PDE1C: variants seen among roughly 807,000 people sequenced by gnomAD.
PDE1C encodes phosphodiesterase 1C.
PDE1C carries 62 observed loss-of-function variants against 93.1 expected under a neutral mutation model. The ratio of observed to expected loss-of-function variants is 0.67; its 90% CI spans 0.54 to 0.82. The LOEUF is 0.82. Ranked by LOEUF, PDE1C falls within the 40% of genes least tolerant of loss-of-function variation. The pLI is 0.00. For missense variants in PDE1C, 742 were observed against 884.6 expected (o/e 0.84, Z 2.04); for synonymous variants, 325 against 310.1 (o/e 1.05, Z -0.50).
intron 14 of PDE1C, among the ~76,000 whole-genome samples, chr7:31,821,413 A>T (rs1434383418): frequency 6.6e-6 from 1 of 152,176 alleles, no homozygotes; most frequent in Non-Finnish European, 1.5e-5. Flanking sequence ...AGATAATTGC[A>T]AACAAATTAT....
chr7:31,730,123 G>A, the PDE1C span, among the ~76,000 whole-genome samples: 2 of 152,056 alleles, frequency 1.3e-5, no homozygotes, highest in South Asian at 2.1e-4. Context: ...TCCCCTAGAC[G>A]TTAATTCAGT....
intron 5 of PDE1C, 151 bp downstream of exon 5, chr7:31,877,819 G>A (rs1179996288): frequency 3.4e-6 from 2 of 595,682 alleles, no homozygotes; most frequent in Non-Finnish European, 5.8e-6. Flanking sequence ...CAGTGATACT[G>A]TTAGAACAAA....
intron 1 of PDE1C, among the ~76,000 whole-genome samples, chr7:32,297,981 CT>C (rs1271743668): frequency 2.8e-5 from 2 of 70,520 alleles, no homozygotes; most frequent in Admixed American, 1.2e-4. Flanking sequence ...CTCTCTCTCT[CT>C]CTCTCTCTCT....
chr7:32,083,844 A>G (rs373058375), intron 3 of PDE1C, among the ~76,000 whole-genome samples: 8 of 152,290 alleles, frequency 5.3e-5, no homozygotes, highest in South Asian at 2.1e-4. Context: ...AAGAGCTCCT[A>G]AAGGAAGCAC....
At chr7:32,257,876 T>A (rs1430431952) in intron 1 of PDE1C, among the ~76,000 whole-genome samples, 1 of 152,228 alleles carries the variant, frequency 6.6e-6, no homozygotes, top group African/African-American at 2.4e-5. Context: ...TCATTACTCC[T>A]GACAATGTGT....
At chr7:31,971,445 A>G (rs1187574244) in intron 2 of PDE1C, among the ~76,000 whole-genome samples, 2 of 152,138 alleles carry the variant, frequency 1.3e-5, no homozygotes, top group Non-Finnish European at 2.9e-5. Context: ...TTCCTCATCA[A>G]TCAAATGATG....
chr7:31,643,410 G>A, the PDE1C span: 6 of 1,613,874 alleles, frequency 3.7e-6, no homozygotes, highest in Admixed American at 8.3e-5. Flanking sequence ...TGAAGTCAAG[G>A]TCTGGTACTT....
chr7:31,962,616 A>T (rs1469134800), intron 2 of PDE1C, among the ~76,000 whole-genome samples: 1 of 152,236 alleles, frequency 6.6e-6, no homozygotes, highest in African/African-American at 2.4e-5. Context: ...AGAAGGCTTC[A>T]GCAGGAGAAA....
At chr7:32,315,731 C>G (rs544510631) in intron 1 of PDE1C, among the ~76,000 whole-genome samples, 2 of 152,216 alleles carry the variant, frequency 1.3e-5, no homozygotes, top group Non-Finnish European at 2.9e-5. Context: ...CGTGGTGGCT[C>G]ACGCCTGTAA....
At chr7:32,095,125 A>G (rs750550358) in intron 3 of PDE1C, among the ~76,000 whole-genome samples, 1 of 152,222 alleles carries the variant, frequency 6.6e-6, no homozygotes, top group Non-Finnish European at 1.5e-5. Context: ...GTCCTCTAGA[A>G]TATATAGGAA....
intron 1 of PDE1C, among the ~76,000 whole-genome samples, chr7:32,229,660 T>G (rs1807548038): frequency 6.6e-6 from 1 of 152,222 alleles, no homozygotes; most frequent in Non-Finnish European, 1.5e-5. Context: ...GTTGGCAATC[T>G]GTAATCTACC....
At chr7:31,694,330 C>A in the PDE1C span, among the ~76,000 whole-genome samples, 1 of 150,478 alleles carries the variant, frequency 6.6e-6, no homozygotes, top group South Asian at 2.1e-4. Context: ...TGAAGTATAT[C>A]AACTGTATCA....
intron 2 of PDE1C, among the ~76,000 whole-genome samples, chr7:32,025,898 G>A (rs1694963746): frequency 6.6e-6 from 1 of 152,164 alleles, no homozygotes; most frequent in African/African-American, 2.4e-5. Context: ...GCCTTTTCAG[G>A]CCAACCACGT....
chr7:32,059,243 G>A (rs1794502566), intron 1 of PDE1C, among the ~76,000 whole-genome samples: 2 of 152,202 alleles, frequency 1.3e-5, no homozygotes. Flanking sequence ...GGTGGGGATG[G>A]TGACCCTAAA....
chr7:31,780,803 T>TTGTGTG (rs55970947), intron 16 of PDE1C, among the ~76,000 whole-genome samples: 53 of 149,726 alleles, frequency 3.5e-4, no homozygotes, highest in African/African-American at 1.2e-3. Context: ...ACGTGTGCAT[T>TTGTGTG]TGTGTGTGTG....
intron 5 of PDE1C, among the ~76,000 whole-genome samples, chr7:31,877,196 A>G (rs1243934742): frequency 6.6e-6 from 1 of 152,196 alleles, no homozygotes; most frequent in Non-Finnish European, 1.5e-5. Flanking sequence ...TCAGCAACAC[A>G]TTGGAATCCA....
chr7:32,165,517 A>G (rs1802189720), intron 3 of PDE1C, among the ~76,000 whole-genome samples: 1 of 152,234 alleles, frequency 6.6e-6, no homozygotes, highest in East Asian at 1.9e-4. Flanking sequence ...ACCATGGCAG[A>G]AGGTGAAGAG....
the PDE1C span, among the ~76,000 whole-genome samples, chr7:31,726,438 A>C: frequency 1.3e-5 from 2 of 152,212 alleles, no homozygotes; most frequent in African/African-American, 4.8e-5. Flanking sequence ...GAAAGAAAAC[A>C]GCAGCCTCTT....
intron 2 of PDE1C, among the ~76,000 whole-genome samples, chr7:31,908,839 G>C (rs1800898627): frequency 6.6e-6 from 1 of 152,138 alleles, no homozygotes; most frequent in Admixed American, 6.6e-5. Context: ...TGACGTGAAG[G>C]TATTTTGTAA....
Sources: allele counts gnomAD v4.1 joint callset (sites outside exome capture counted in the v4.1 genomes callset), GRCh38; gene constraint gnomAD v4.1.1; transcripts MANE v1.5; gene names NCBI Gene and HGNC (gene_info 2026-07-23, HGNC 2026-07-21).